TMEM164: variants seen among roughly 807,000 people sequenced by gnomAD.
TMEM164 encodes transmembrane protein 164.
Under a neutral mutation model 18.8 loss-of-function variants are expected in TMEM164, and 4 were observed. The ratio of observed to expected loss-of-function variants is 0.21; its 90% CI spans 0.10 to 0.49. The LOEUF is 0.49. TMEM164 is among the 20% of genes least tolerant of loss of function. The pLI is 0.98. For missense variants in TMEM164, 108 were observed against 239.9 expected, an observed-to-expected ratio of 0.45 and a Z score of 3.63; for synonymous variants, 86 against 101.7, an observed-to-expected ratio of 0.85 and a Z score of 0.93.
At chrX:110,105,723 C>CAG (rs2066184341) in intron 3 of TMEM164, among the ~76,000 whole-genome samples, 1 of 91,907 alleles carries the variant, frequency 1.1e-5, no homozygotes, top group African/African-American at 4.2e-5. Flanking sequence ...CACACACAGA[C>CAG]ACACACACAG....
intron 2 of TMEM164, among the ~76,000 whole-genome samples, chrX:110,011,197 AAAG>A (rs764170342): frequency 8.7e-4 from 98 of 112,744 alleles, no homozygotes; most frequent in African/African-American, 2.4e-3. Context: ...AACAAAAAAA[AAAG>A]AAGAAGTAGC....
intron 2 of TMEM164, among the ~76,000 whole-genome samples, chrX:110,030,590 G>A (rs375076272): frequency 9.3e-6 from 1 of 107,814 alleles, no homozygotes; most frequent in African/African-American, 3.4e-5. Flanking sequence ...AGGCCGAGGC[G>A]GGCAGATCAC....
At position 110,123,972 on chromosome X, in the gene TMEM164, C is replaced by G. The variant is rs564026962; in HGVS notation, c.507+14826C>G. Among the ~76,000 whole-genome samples, 8 of 110,793 alleles carry G rather than the reference C, an allele frequency of 7.2e-5. No individual in the cohort carries two copies. In the East Asian group the frequency reaches 1.4e-3, roughly 20 times the overall value. Reference sequence around the variant, plus strand: ...CCAAAATTTTTTTTAAAAAATTAGCCAGGCGTGGCGGTATGTGTCTGTAGT... The same window carrying G: ...CCAAAATTTTTTTTAAAAAATTAGCGAGGCGTGGCGGTATGTGTCTGTAGT... On this transcript the variant is annotated intron_variant, in intron 4 of 6. Transcript: ENST00000372068.
intron 2 of TMEM164, among the ~76,000 whole-genome samples, chrX:110,013,240 C>CT (rs959795683): frequency 8.9e-6 from 1 of 112,392 alleles, no homozygotes; most frequent in African/African-American, 3.2e-5. Context: ...CTCTGACTGA[C>CT]TGTGTTCTGG....
chrX:110,055,561 A>C lies in TMEM164; in HGVS notation c.391-11786A>C, dbSNP rs367669551. The C allele has an allele frequency of 7.4e-4, 100 of 135,569 alleles. No individual in the cohort carries two copies. In the East Asian group the frequency reaches 0.019, roughly 26 times the overall value. 11.2% of individuals were successfully genotyped at this position (135,569 alleles called of 1,213,427 possible). On this transcript the variant is annotated intron_variant, in intron 2 of 6. Coordinates refer to ENST00000372068, the MANE Select transcript of TMEM164 (RefSeq NM_032227.4). ...TGACCAGGAAAGGAAGAAAGAAGTAAAGTTGTGGCTTTGGGAGAATTATCT... is the reference window on the plus strand; with the variant it reads ...TGACCAGGAAAGGAAGAAAGAAGTACAGTTGTGGCTTTGGGAGAATTATCT...
chrX:110,030,398 G>A (rs1448578303), intron 2 of TMEM164, among the ~76,000 whole-genome samples: 1 of 107,688 alleles, frequency 9.3e-6, no homozygotes, highest in African/African-American at 3.4e-5. Context: ...GGGATTATGG[G>A]CATGAGCCAT....
rs1238119848 is a variant in TMEM164 at position 110,154,443 on chromosome X, AG to A, written c.586+9568del. Among the ~76,000 whole-genome samples the A allele has an allele frequency of 4.5e-5, 5 of 110,866 alleles. No homozygotes were observed. The Admixed American group carries it at 4.8e-4, about 11-fold the overall frequency. On this transcript the variant is annotated intron_variant, in intron 5 of 6. Transcript: ENST00000372068. ...TATTTTATTTTTATTTTTTTGAGAC[AG>A]ATACTCACTGTGTCACCCTGGCTGG... is the stretch of plus-strand genomic sequence containing the variant.
intron 2 of TMEM164, among the ~76,000 whole-genome samples, chrX:110,055,058 T>TC (rs1176691341): frequency 2.7e-5 from 3 of 111,620 alleles, no homozygotes; most frequent in Non-Finnish European, 5.6e-5. Flanking sequence ...TGCATGTCTG[T>TC]CATAGCTTTG....
At chrX:110,160,407 A>G (rs1401078546) in intron 5 of TMEM164, among the ~76,000 whole-genome samples, 1 of 112,356 alleles carries the variant, frequency 8.9e-6, no homozygotes, top group East Asian at 2.8e-4. Flanking sequence ...TTTGAAAGTG[A>G]TGGTAGTTAT....
intron 3 of TMEM164, among the ~76,000 whole-genome samples, chrX:110,108,067 G>GGTGTGTGTGTGTGT (rs1569332276): frequency 2.6e-5 from 1 of 39,049 alleles, no homozygotes; most frequent in African/African-American, 9.3e-5. Flanking sequence ...TAGGAGGTAT[G>GGTGTGTGTGTGTGT]CTGTGTGTGT....
chrX:110,041,282 G>A (rs1285852125), intron 2 of TMEM164, among the ~76,000 whole-genome samples: 1 of 111,997 alleles, frequency 8.9e-6, no homozygotes, highest in Non-Finnish European at 1.9e-5. Context: ...TACAGTGAAA[G>A]GAATTCTGAT....
intron 3 of TMEM164, among the ~76,000 whole-genome samples, chrX:110,070,179 G>A (rs914680647): frequency 9.0e-6 from 1 of 111,120 alleles, no homozygotes; most frequent in African/African-American, 3.3e-5. Flanking sequence ...AGCCAGGCAT[G>A]GTGGCACATG....
At chrX:110,093,535 C>A (rs1053222160) in intron 3 of TMEM164, among the ~76,000 whole-genome samples, 1 of 111,105 alleles carries the variant, frequency 9.0e-6, no homozygotes, top group Admixed American at 9.6e-5. Flanking sequence ...TGGTGATATC[C>A]CCTTTATCAT....
intron 4 of TMEM164, among the ~76,000 whole-genome samples, chrX:110,114,991 A>G (rs1449895187): frequency 9.0e-6 from 1 of 111,144 alleles, no homozygotes; most frequent in African/African-American, 3.3e-5. Flanking sequence ...GTTGGATGGG[A>G]TGGTTCTTTT....
chrX:110,092,697 T>C (rs1271238651), intron 3 of TMEM164, among the ~76,000 whole-genome samples: 1 of 111,762 alleles, frequency 8.9e-6, no homozygotes, highest in Non-Finnish European at 1.9e-5. Context: ...TGAATACCCT[T>C]TATTTCTTTC....
chrX:110,182,467 A>T (rs948369663), downstream of TMEM164: 1 of 111,640 alleles, frequency 9.0e-6, no homozygotes, highest in African/African-American at 3.3e-5. Context: ...AAGGAGTCAG[A>T]CAAGCTAGGC....
At chrX:110,124,443 C>T (rs755227464) in intron 4 of TMEM164, among the ~76,000 whole-genome samples, 7 of 111,218 alleles carry the variant, frequency 6.3e-5, no homozygotes, top group Admixed American at 9.6e-5. Flanking sequence ...AGGTCCCACA[C>T]GCCTAGGACC....
chrX:110,082,630 C>T, intron 3 of TMEM164, among the ~76,000 whole-genome samples: 1 of 111,514 alleles, frequency 9.0e-6, no homozygotes, highest in Admixed American at 9.6e-5. Flanking sequence ...TAGCCTGCCT[C>T]ACCAGTTATT....
At chrX:110,011,653 C>T (rs1371261829) in intron 2 of TMEM164, among the ~76,000 whole-genome samples, 1 of 111,981 alleles carries the variant, frequency 8.9e-6, no homozygotes, top group African/African-American at 3.2e-5. Context: ...GATTATCAAA[C>T]TTTATTTGTG....
Sources: gnomAD v4.1 joint callset for allele counts (sites outside exome capture counted in the v4.1 genomes callset) on GRCh38, gnomAD v4.1.1 for gene constraint, MANE v1.5 for transcripts, NCBI Gene and HGNC (gene_info 2026-07-23, HGNC 2026-07-21) for gene names.